Variants in PALMD observed in about 807,000 individuals in gnomAD.
PALMD encodes the protein palmdelphin, also known as paralemmin-like protein.
PALMD carries 42 observed loss-of-function variants against 56.2 expected under a neutral mutation model. The observed-to-expected ratio is 0.75, with a 90% CI of 0.58 to 0.97. The LOEUF is 0.97. PALMD is among the 50% of genes least tolerant of loss of function. The pLI is 0.00. For synonymous variants in PALMD, 242 were observed against 222.9 expected, an observed-to-expected ratio of 1.09 and a Z score of -0.76; for missense variants, 660 against 643.8, an observed-to-expected ratio of 1.03 and a Z score of -0.27.
At chr1:99,662,562 C>T (rs1180761797) in intron 2 of PALMD, among the ~76,000 whole-genome samples, 163 bp downstream of exon 2, 1 of 152,182 alleles carries the variant, frequency 6.6e-6, no homozygotes, top group East Asian at 1.9e-4. Flanking sequence ...GTAACATTTG[C>T]ATATGAGATT....
Position 99,689,162 on chromosome 1 carries a change from C to G in PALMD, c.902C>G (p.Ser301Cys). The G allele has an allele frequency of 2.5e-6, 4 of 1,613,448 alleles. No homozygotes were observed. Among genetic ancestry groups the G allele is most frequent in the Non-Finnish European group, 2.5e-6 (3 of 1,179,740 alleles). ...TNGLGIGVNESIHNMGNGLSE... is the reference protein window; with the variant it reads ...TNGLGIGVNECIHNMGNGLSE... ...GGACTGGGTATTGGTGTAAATGAATCCATACACAATATGGGCAATGGTCTT... is the reference window on the plus strand; with the variant it reads ...GGACTGGGTATTGGTGTAAATGAATGCATACACAATATGGGCAATGGTCTT... Residue 301 changes from serine (S) to cysteine (C), a missense_variant, in exon 7 of 8, where the codon TCC becomes TGC. Coordinates refer to ENST00000263174, the MANE Select transcript of PALMD (RefSeq NM_017734.5).
intron 2 of PALMD, 91 bp downstream of exon 2, chr1:99,662,490 G>A: frequency 2.6e-6 from 2 of 779,574 alleles, no homozygotes; most frequent in Non-Finnish European, 4.3e-6. Flanking sequence ...CTTTAGGAAA[G>A]AAAAAAATTT....
intron 1 of PALMD, among the ~76,000 whole-genome samples, chr1:99,647,473 A>C (rs77777249): frequency 0.019 from 2,873 of 152,320 alleles, 82 homozygotes; most frequent in African/African-American, 0.066. Context: ...AAGACACCAG[A>C]AGTCTATTGA....
chr1:99,681,703 C>A (rs560185474), intron 3 of PALMD, among the ~76,000 whole-genome samples: 2 of 152,298 alleles, frequency 1.3e-5, no homozygotes, highest in Non-Finnish European at 2.9e-5. Context: ...TGTGAGGAAA[C>A]TGTTCTGTGC....
intron 7 of PALMD, 74 bp downstream of exon 7, chr1:99,689,946 C>T (rs764102146): frequency 3.6e-5 from 51 of 1,411,788 alleles, no homozygotes; most frequent in Non-Finnish European, 4.3e-5. Context: ...TGCAGTCTTG[C>T]TTTCAGGCTT....
In PALMD at chr1:99,689,795, G is replaced by A. The variant is rs145174450; in HGVS notation, c.1535G>A (p.Ser512Asn). 108 of 1,613,744 alleles carry A rather than the reference G, an allele frequency of 6.7e-5. No individual in the cohort carries two copies. In the South Asian group the frequency reaches 1.1e-3, roughly 16 times the overall value. The change falls in exon 7 of 8, where the codon AGC becomes AAC. Residue 512 changes from serine to asparagine, a missense_variant. Ser to Asn is a conservative substitution (Grantham distance 46, BLOSUM62 1). Transcript: ENST00000263174. ...ATATCTCTGAAAGAGCAAGAAGAAA[G>A]CTTAGGCAGCCCTGTCCACCATTCC... is the stretch of plus-strand genomic sequence containing the variant. ...NSISLKEQEE[S>N]LGSPVHHSPF...
At position 99,675,527 on chromosome 1, in the gene PALMD, C is replaced by T. The variant is rs113620000; in HGVS notation, c.251+7761C>T. On this transcript the variant is annotated intron_variant, in intron 3 of 7. Transcript: ENST00000263174. ...GGTACAAGTCAAATTATTACAATTA[C>T]TTCACTCCTATTAAATGTTTGGCAT... is the stretch of plus-strand genomic sequence containing the variant. Among the ~76,000 whole-genome samples, 1,111 of 152,262 alleles carry T rather than the reference C, an allele frequency of 7.3e-3. 15 individuals carry two copies. The highest frequency in any genetic ancestry group is 0.026 in the African/African-American group (1,068 of 41,556).
chr1:99,692,231 G>C (rs980113975), intron 7 of PALMD, among the ~76,000 whole-genome samples: 2 of 152,128 alleles, frequency 1.3e-5, no homozygotes, highest in Admixed American at 1.3e-4. Flanking sequence ...TCTTAGAGGT[G>C]TCAGTGGCAT....
At chr1:99,672,974 G>A (rs1366933461) in intron 3 of PALMD, among the ~76,000 whole-genome samples, 1 of 152,062 alleles carries the variant, frequency 6.6e-6, no homozygotes, top group Non-Finnish European at 1.5e-5. Context: ...ATGGGCAAAG[G>A]TGTATGTGAA....
chr1:99,694,090 T>G lies in PALMD; in HGVS notation c.*28T>G. 1 of 1,495,022 alleles carries G rather than the reference T, an allele frequency of 6.7e-7. No homozygotes were observed. Among genetic ancestry groups the G allele is most frequent in the Non-Finnish European group, 9.2e-7 (1 of 1,086,616 alleles). 92.6% of individuals were successfully genotyped at this position (1,495,022 alleles called of 1,614,324 possible). On this transcript the variant is annotated 3_prime_UTR_variant, in exon 8 of 8. Transcript: ENST00000263174. ...GTTGTACCACCTATATAAACATCCT[T>G]TGAAGAAGAAACTAAGAAGCATTTG...
intron 3 of PALMD, chr1:99,684,097 T>C (rs754120156): frequency 4.6e-5 from 7 of 152,224 alleles, no homozygotes; most frequent in African/African-American, 1.7e-4. Context: ...AATGTGTTTA[T>C]GTGTATATAT....
At chr1:99,656,075 G>T (rs75406053) in intron 1 of PALMD, among the ~76,000 whole-genome samples, 38 of 152,032 alleles carry the variant, frequency 2.5e-4, no homozygotes, top group African/African-American at 8.9e-4. Flanking sequence ...CTTTATTCTT[G>T]GTTGTGTGAG....
intron 3 of PALMD, among the ~76,000 whole-genome samples, chr1:99,680,333 A>C (rs913595712): frequency 2.0e-5 from 3 of 152,168 alleles, no homozygotes; most frequent in Non-Finnish European, 4.4e-5. Context: ...GAGCTCTTGA[A>C]AATAACCCTC....
intron 3 of PALMD, among the ~76,000 whole-genome samples, chr1:99,670,804 T>C (rs1441954557): frequency 6.6e-6 from 1 of 152,148 alleles, no homozygotes; most frequent in Non-Finnish European, 1.5e-5. Flanking sequence ...CCTCCCCTAC[T>C]GCCCAGCATT....
At chr1:99,663,434 A>T (rs564829059) in intron 2 of PALMD, among the ~76,000 whole-genome samples, 31 of 142,664 alleles carry the variant, frequency 2.2e-4, no homozygotes, top group East Asian at 9.8e-4. Context: ...AATGAAATTT[A>T]AAAAAAAAAA....
chr1:99,688,808 A>C lies in PALMD; in HGVS notation c.548A>C (p.Asp183Ala). The change falls in exon 7 of 8, where the codon GAC becomes GCC. Residue 183 changes from aspartate to alanine, a missense_variant. By Grantham distance (126) the Asp-to-Ala change is moderately radical. Transcript: ENST00000263174. ...GCCATGGAAATTAAAGTTGAAAAAGACTTGAAGACTGGAGAAAGTACAGTT... is the reference window on the plus strand; with the variant it reads ...GCCATGGAAATTAAAGTTGAAAAAGCCTTGAAGACTGGAGAAAGTACAGTT... ...LYAMEIKVEK[D>A]LKTGESTVLS... 6.2e-7 allele frequency: 1 copy of C among 1,605,456 alleles called. No homozygotes were observed. The highest frequency in any genetic ancestry group is 8.5e-7 in the Non-Finnish European group (1 of 1,175,238).
intron 3 of PALMD, chr1:99,668,981 CA>C (rs1460696838): frequency 6.6e-6 from 1 of 152,174 alleles, no homozygotes; most frequent in Non-Finnish European, 1.5e-5. Flanking sequence ...AGACGACTTT[CA>C]AAACCTCATT....
At position 99,688,870 on chromosome 1, in the gene PALMD, GGTACAGGAATAAAA is replaced by G. The variant is rs1557675690; in HGVS notation, c.613_626del (p.Thr205LeufsTer2). The G allele has an allele frequency of 6.2e-7, 1 of 1,613,418 alleles. No individual in the cohort carries two copies. Among genetic ancestry groups the G allele is most frequent in the Non-Finnish European group, 8.5e-7 (1 of 1,179,468 alleles). On this transcript the variant is annotated frameshift_variant, in exon 7 of 8. Coordinates refer to ENST00000263174, the MANE Select transcript of PALMD (RefSeq NM_017734.5). LOFTEE classifies it high-confidence loss of function. ...ACCTCTGCCATCAGATGACTTTAAAGGTACAGGAATAAAAGTTTATGATGATGGGCAAAAGTCAG... is the reference window on the plus strand; with the variant it reads ...ACCTCTGCCATCAGATGACTTTAAAGGTTTATGATGATGGGCAAAAGTCAG...
rs1256692763 is a variant in PALMD at position 99,689,182 on chromosome 1, G to A, written c.922G>A (p.Gly308Ser). 1 of 1,613,436 alleles carries A rather than the reference G, an allele frequency of 6.2e-7. No individual in the cohort carries two copies. The highest frequency in any genetic ancestry group is 1.7e-5 in the Admixed American group (1 of 59,924). Residue 308 changes from glycine (G) to serine (S), a missense_variant, in exon 7 of 8, where the codon GGT becomes AGT. Coordinates refer to ENST00000263174, the MANE Select transcript of PALMD (RefSeq NM_017734.5). ...VNESIHNMGN[G>S]LSEERGNNFN... is the part of the protein sequence containing the mutation. ...TGAATCCATACACAATATGGGCAAT[G>A]GTCTTTCAGAGGAAAGGGGAAACAA...
Sources: allele counts gnomAD v4.1 joint callset (sites outside exome capture counted in the v4.1 genomes callset), GRCh38; gene constraint gnomAD v4.1.1; transcripts MANE v1.5; gene names NCBI Gene and HGNC (gene_info 2026-07-23, HGNC 2026-07-21).